The following CREB3 variants were observed in gnomAD, a reference collection of about 807,000 sequenced individuals.
CREB3 encodes cyclic AMP-responsive element-binding protein 3.
A neutral mutation model predicts 34.5 loss-of-function variants in CREB3; 29 were observed. The ratio of observed to expected loss-of-function variants is 0.84; its 90% CI spans 0.63 to 1.15. The LOEUF is 1.15. Among genes scored for constraint, CREB3 ranks in the 50% most tolerant of loss-of-function variants. CREB3 has a pLI of 0.00. For synonymous variants in CREB3, 187 were observed against 173.9 expected (o/e 1.08, Z -0.59); for missense variants, 447 against 443.4 (o/e 1.01, Z -0.07).
chr9:35,733,973 A>C (rs12340601), intron 4 of CREB3, among the ~76,000 whole-genome samples: 6,449 of 152,174 alleles, frequency 0.042, 443 homozygotes, highest in African/African-American at 0.15. Flanking sequence ...GAAAGGTTAC[A>C]GGAATATATA....
rs756279082 is a variant in CREB3 at position 35,736,227 on chromosome 9, G to A, written c.697G>A (p.Val233Ile). Reference protein sequence around the residue: ...KTSSSSTCILVLLVSFCLLLV... With the variant: ...KTSSSSTCILILLVSFCLLLV... ...TCATCTCCTTTTTCCTGTGCTCTAGGTCCTACTAGTCTCCTTCTGCCTCCT... is the reference window on the plus strand; with the variant it reads ...TCATCTCCTTTTTCCTGTGCTCTAGATCCTACTAGTCTCCTTCTGCCTCCT... The change falls in exon 8 of 9, where the codon GTC (valine) becomes ATC (isoleucine). Residue 233 changes from valine (V) to isoleucine (I), a missense_variant and splice_region_variant. Physicochemically the swap from Val to Ile is conservative, Grantham distance 29 (BLOSUM62 3). Coordinates refer to ENST00000353704, the MANE Select transcript of CREB3 (RefSeq NM_006368.5). 3.7e-6 allele frequency: 6 copies of A among 1,614,002 alleles called. No individual in the cohort carries two copies. In the African/African-American group the frequency reaches 4.0e-5, roughly 11 times the overall value.
rs1238459706 is a variant in CREB3 at position 35,732,801 on chromosome 9, A to G, written c.29A>G (p.Gln10Arg). 6 of 1,613,870 alleles carry G rather than the reference A, an allele frequency of 3.7e-6. No homozygotes were observed. The highest frequency in any genetic ancestry group is 1.7e-5 in the Admixed American group (1 of 59,952). ...GAGCTGGAATTGGATGCTGGTGACC[A>G]AGACCTGCTGGCCTTCCTGCTAGAG... MELELDAGD[Q>R]DLLAFLLEES... is the part of the protein sequence containing the mutation. Residue 10 changes from glutamine (Q) to arginine (R), a missense_variant, in exon 1 of 9, where the codon CAA becomes CGA. Coordinates refer to ENST00000353704, the MANE Select transcript of CREB3 (RefSeq NM_006368.5). The surrounding 1 kb of genome is among the most constrained non-coding windows in gnomAD (Gnocchi z 5.1).
chr9:35,735,798 C>T (rs2381399), intron 6 of CREB3, among the ~76,000 whole-genome samples: 3 of 152,180 alleles, frequency 2.0e-5, no homozygotes, highest in African/African-American at 4.8e-5. Context: ...TGATGATATT[C>T]GCAAAGGAGG....
At chr9:35,734,276 G>C (rs922980723) in intron 4 of CREB3, among the ~76,000 whole-genome samples, 3 of 152,130 alleles carry the variant, frequency 2.0e-5, no homozygotes, top group African/African-American at 7.2e-5. Flanking sequence ...TACAAGATGA[G>C]TCAGCAGTGT....
At chr9:35,736,167 CAGTT>C (rs771249084) in intron 7 of CREB3, 35 bp downstream of exon 7, 3 of 1,612,554 alleles carry the variant, frequency 1.9e-6, no homozygotes, top group Admixed American at 1.7e-5. Context: ...ATCCTTTTCT[CAGTT>C]GGTGGGGACA....
chr9:35,735,179 G>A lies in CREB3; in HGVS notation c.506G>A (p.Arg169Lys). 1 of 1,603,148 alleles carries A rather than the reference G, an allele frequency of 6.2e-7. No individual in the cohort carries two copies. ...RNKRSAQESRRKKKVYVGGLE... is the reference protein window; with the variant it reads ...RNKRSAQESRKKKKVYVGGLE... ...AAAAGATCTGCTCAAGAGAGCCGCA[G>A]GAAAAAGAAGGTGTATGTTGGGGGT... Residue 169 changes from arginine (R) to lysine (K), a missense_variant, in exon 5 of 9, where the codon AGG (arginine) becomes AAG (lysine). Arg to Lys is a conservative substitution (Grantham distance 26). Transcript: ENST00000353704.
At chr9:35,734,812 C>CA (rs1826162632) in intron 4 of CREB3, among the ~76,000 whole-genome samples, 1 of 152,204 alleles carries the variant, frequency 6.6e-6, no homozygotes, top group South Asian at 2.1e-4. Context: ...AGGCTGGTCT[C>CA]AAACTCCTGG....
chr9:35,735,314 A>C lies in CREB3; in HGVS notation c.551A>C (p.Lys184Thr), dbSNP rs951238075. 2 of 1,614,016 alleles carry C rather than the reference A, an allele frequency of 1.2e-6. No homozygotes were observed. Among genetic ancestry groups the C allele is most frequent in the African/African-American group, 2.7e-5 (2 of 74,898 alleles). Reference protein sequence around the residue: ...YVGGLESRVLKYTAQNMELQN... With the variant: ...YVGGLESRVLTYTAQNMELQN... ...TTTGTTATTTCCCCCAGGGTCTTGA[A>C]ATACACAGCCCAGAATATGGAGCTT... is the stretch of plus-strand genomic sequence containing the variant. The change falls in exon 6 of 9, where the codon AAA (lysine) becomes ACA (threonine). Residue 184 changes from lysine to threonine, a missense_variant. Physicochemically the swap from Lys to Thr is moderately conservative, Grantham distance 78. Transcript: ENST00000353704.
At chr9:35,735,008 T>C in intron 4 of CREB3, 101 bp from the exon 5 acceptor site, 5 of 950,486 alleles carry the variant, frequency 5.3e-6, no homozygotes, top group Non-Finnish European at 7.9e-6. Context: ...AGGGAAGCTG[T>C]AGAAGGGATT....
chr9:35,732,912 G>A lies in CREB3; in HGVS notation c.129+11G>A, dbSNP rs749721106. 8.1e-6 allele frequency: 13 copies of A among 1,613,442 alleles called. No individual in the cohort carries two copies. The highest frequency in any genetic ancestry group is 1.0e-5 in the Non-Finnish European group (12 of 1,179,598). On this transcript the variant is annotated intron_variant, in intron 1 of 8. Coordinates refer to ENST00000353704, the MANE Select transcript of CREB3 (RefSeq NM_006368.5). This position sits in a 1 kb window ranked among gnomAD's most constrained non-coding sequence, Gnocchi z 5.1. ...CTGCCGCTTTCTGAGGTAGGTTGGG[G>A]TTCTGACTGGGGAAAGCGTGGGATG...
chr9:35,733,814 A>T (rs149338994), intron 4 of CREB3, among the ~76,000 whole-genome samples: 162 of 152,312 alleles, frequency 1.1e-3, no homozygotes, highest in African/African-American at 3.2e-3. Context: ...CCTCTTGCTG[A>T]ATGGTAGAAC....
At position 35,733,217 on chromosome 9, in the gene CREB3, A is replaced by C. The variant is rs752648318; in HGVS notation, c.280A>C (p.Ser94Arg). The C allele has an allele frequency of 3.7e-6, 6 of 1,613,982 alleles. No homozygotes were observed. The highest frequency in any genetic ancestry group is 5.1e-6 in the Non-Finnish European group (6 of 1,180,022). The change falls in exon 3 of 9, where the codon AGT (serine) becomes CGT (arginine). Residue 94 changes from serine to arginine, a missense_variant and splice_region_variant. Coordinates refer to ENST00000353704, the MANE Select transcript of CREB3 (RefSeq NM_006368.5). ...TATTCATACTTTCCCTTTTGCAGAG[A>C]GTGAGAGCTGTAGAAAAGAGGGGAC... ...PRETVSMDLE[S>R]ESCRKEGTQM...
chr9:35,735,281 C>T (rs932103800), intron 5 of CREB3, 25 bp from the exon 6 acceptor site: 2 of 1,612,944 alleles, frequency 1.2e-6, no homozygotes, highest in Admixed American at 1.7e-5. Context: ...AGGCCATATC[C>T]CCGTATCTTT....
In CREB3 at chr9:35,733,433, G is replaced by A. The variant is rs765220178; in HGVS notation, c.383G>A (p.Ser128Asn). The change falls in exon 4 of 9, where the codon AGT (serine) becomes AAT (asparagine). Residue 128 changes from serine (S) to asparagine (N), a missense_variant. Transcript: ENST00000353704. ...ARLVLTDEEKSLLEKEGLILP... is the reference protein window; with the variant it reads ...ARLVLTDEEKNLLEKEGLILP... ...CTAGTACTGACAGATGAGGAGAAGA[G>A]TCTATTGGAGAAGGAGGGGCTTATT... is the stretch of plus-strand genomic sequence containing the variant. The A allele has an allele frequency of 3.1e-6, 5 of 1,613,896 alleles. No individual in the cohort carries two copies. Among genetic ancestry groups the A allele is most frequent in the Non-Finnish European group, 4.2e-6 (5 of 1,179,762 alleles).
intron 4 of CREB3, among the ~76,000 whole-genome samples, chr9:35,734,582 A>G (rs779877076): frequency 6.6e-6 from 1 of 152,172 alleles, no homozygotes; most frequent in Non-Finnish European, 1.5e-5. Context: ...CTGTTGGTTC[A>G]GGATAAGGAA....
At chr9:35,735,757 G>A (rs1483816373) in intron 6 of CREB3, among the ~76,000 whole-genome samples, 1 of 152,222 alleles carries the variant, frequency 6.6e-6, no homozygotes, top group African/African-American at 2.4e-5. Context: ...TGAGGATTAT[G>A]TGCATAGCTG....
intron 8 of CREB3, 39 bp downstream of exon 8, chr9:35,736,350 G>A (rs756189361): frequency 1.5e-5 from 24 of 1,613,266 alleles, no homozygotes; most frequent in Non-Finnish European, 1.8e-5. Flanking sequence ...AGGGCAAGGG[G>A]AGAGGTCTGG....
At position 35,733,482 on chromosome 9, in the gene CREB3, T is replaced by C. The variant is rs1826133483; in HGVS notation, c.432T>C (p.Thr144=). The change falls in exon 4 of 9, where the codon ACT becomes ACC. Residue 144 remains threonine (T), a synonymous_variant. Coordinates refer to ENST00000353704, the MANE Select transcript of CREB3 (RefSeq NM_006368.5). ...GLILPETLPL[T]KTEEQILKRV... Reference sequence around the variant, plus strand: ...TTCTGCCTGAGACACTTCCTCTCACTAAGGTAAGACTCTCATTGGTTGAAC... The same window carrying C: ...TTCTGCCTGAGACACTTCCTCTCACCAAGGTAAGACTCTCATTGGTTGAAC... 8 of 1,608,260 alleles carry C rather than the reference T, an allele frequency of 5.0e-6. No homozygotes were observed. Among genetic ancestry groups the C allele is most frequent in the Non-Finnish European group, 6.0e-6 (7 of 1,174,714 alleles).
chr9:35,736,096 A>G lies in CREB3; in HGVS notation c.660A>G (p.Ile220Met). ...AACTCCAGGCCATGGTGATTGAGAT[A>G]TCAAACAAAACCAGCAGCAGCAGCA... ...LRKLQAMVIE[I>M]SNKTSSSSTC... The change falls in exon 7 of 9, where the codon ATA (isoleucine) becomes ATG (methionine). Residue 220 changes from isoleucine (I) to methionine (M), a missense_variant. Physicochemically the swap from Ile to Met is conservative, Grantham distance 10. Coordinates refer to ENST00000353704, the MANE Select transcript of CREB3 (RefSeq NM_006368.5). 6.2e-6 allele frequency: 10 copies of G among 1,614,090 alleles called. No homozygotes were observed. Among genetic ancestry groups the G allele is most frequent in the Non-Finnish European group, 8.5e-6 (10 of 1,179,982 alleles).
Sources: allele counts gnomAD v4.1 joint callset (sites outside exome capture counted in the v4.1 genomes callset), GRCh38; gene constraint gnomAD v4.1.1; non-coding constraint Gnocchi (gnomAD v3.1); transcripts MANE v1.5; gene names NCBI Gene and HGNC (gene_info 2026-07-23, HGNC 2026-07-21).